Variants in ACSM6 observed in about 807,000 individuals in gnomAD.
ACSM6 encodes the protein acyl-coenzyme A synthetase ACSM6, mitochondrial.
A neutral mutation model predicts 51.1 loss-of-function variants in ACSM6; 35 were observed. The ratio of observed to expected loss-of-function variants is 0.69; its 90% confidence interval spans 0.52 to 0.91. ACSM6 has a LOEUF of 0.91. Among genes scored for constraint, ACSM6 ranks in the 40% least tolerant of loss-of-function variants. ACSM6 has a pLI of 0.00. For missense variants in ACSM6, 509 were observed against 584.1 expected, an observed-to-expected ratio of 0.87 and a Z score of 1.32; for synonymous variants, 172 against 207.3, an observed-to-expected ratio of 0.83 and a Z score of 1.46.
chr10:95,217,379 G>A (rs897612435), intron 8 of ACSM6, among the ~76,000 whole-genome samples: 1 of 151,524 alleles, frequency 6.6e-6, no homozygotes, highest in African/African-American at 2.4e-5. Flanking sequence ...AAGAAAATAG[G>A]GAAGTGTTGC....
intron 9 of ACSM6, among the ~76,000 whole-genome samples, chr10:95,220,870 G>T (rs546567352): frequency 1.4e-5 from 2 of 148,094 alleles, no homozygotes; most frequent in East Asian, 1.9e-4. Flanking sequence ...TATTAAAAAG[G>T]TAAAATAGTT....
At chr10:95,212,786 G>A (rs1264265555) in intron 6 of ACSM6, 72 bp from the exon 7 acceptor site, 4 of 1,224,728 alleles carry the variant, frequency 3.3e-6, no homozygotes, top group East Asian at 4.7e-5. Context: ...TTCCCGCCTG[G>A]ACCCCTGCCA....
exon 5 of ACSM6, chr10:95,210,758 G>A: frequency 1.2e-6 from 2 of 1,613,974 alleles, no homozygotes; most frequent in Non-Finnish European, 1.7e-6. Context: ...AGTATTCCCA[G>A]TATGGTTTGG....
At chr10:95,200,135 G>A (rs2034776870) in intron 2 of ACSM6, among the ~76,000 whole-genome samples, 1 of 152,086 alleles carries the variant, frequency 6.6e-6, no homozygotes, top group African/African-American at 2.4e-5. Flanking sequence ...TAGAAAATGT[G>A]GCACATAGAC....
chr10:95,214,952 G>T lies in ACSM6; in HGVS notation c.1096G>T (p.Glu366Ter), dbSNP rs868005623. 6 of 1,551,476 alleles carry T rather than the reference G, an allele frequency of 3.9e-6. No homozygotes were observed. The highest frequency in any genetic ancestry group is 5.2e-6 in the Non-Finnish European group (6 of 1,146,914). The stretch of plus-strand genomic sequence containing the variant: ...ACGCATCACTAAGTTGGACATCTAT[G>T]AAGGCTATGGGCAGACGGAAACTGT... Residue 366 changes from glutamate to a stop codon, truncating the protein, a stop_gained, in exon 8 of 11, where the codon GAA (glutamate) becomes TAA (stop). Coordinates refer to ENST00000341686, the Ensembl canonical transcript of ACSM6. LOFTEE classifies it high-confidence loss of function.
chr10:95,228,928 C>G, exon 11 of ACSM6: 8 of 849,282 alleles, frequency 9.4e-6, no homozygotes, highest in African/African-American at 1.7e-5. Flanking sequence ...TCCATAATCT[C>G]ATATTGTGGA....
chr10:95,213,036 C>G, intron 7 of ACSM6, 96 bp downstream of exon 7: 1 of 999,920 alleles, frequency 1.0e-6, no homozygotes, highest in Non-Finnish European at 1.5e-6. Flanking sequence ...TCCAATCTTA[C>G]CCTCCGGTAA....
rs759192530 is a variant in ACSM6, at chr10:95,210,805, G to C, written c.755+12G>C. ...AGCCAGGCTTCCAGGTACGGTTCTC[G>C]CACAGCCTGTACAGGCCTGAAAGTT... On this transcript the variant is annotated intron_variant, in intron 5 of 10. Coordinates refer to ENST00000341686, the Ensembl canonical transcript of ACSM6. The C allele has an allele frequency of 2.5e-6, 4 of 1,612,164 alleles. No individual in the cohort carries two copies. The highest frequency in any genetic ancestry group is 3.4e-6 in the Non-Finnish European group (4 of 1,178,922).
chr10:95,195,559 C>A (rs2034716236), intron 2 of ACSM6, among the ~76,000 whole-genome samples: 1 of 152,184 alleles, frequency 6.6e-6, no homozygotes, highest in South Asian at 2.1e-4. Flanking sequence ...GTCATTTTAA[C>A]TCTCTGAGCC....
At chr10:95,200,504 AGAAGAAGAG>A (rs1188307096) in intron 2 of ACSM6, among the ~76,000 whole-genome samples, 2 of 151,926 alleles carry the variant, frequency 1.3e-5, no homozygotes, top group Non-Finnish European at 2.9e-5. Context: ...GAAGAAAAGA[AGAAGAAGAG>A]GAAGAGGAAG....
chr10:95,226,653 A>G (rs1022748126), intron 10 of ACSM6, among the ~76,000 whole-genome samples: 2 of 152,202 alleles, frequency 1.3e-5, no homozygotes, highest in African/African-American at 4.8e-5. Flanking sequence ...ATTAGGTGGC[A>G]TTATTCCATA....
Position 95,208,933 on chromosome 10 carries a change from T to TAAAAAAAAAAAAAAAAAAAAA in ACSM6, c.611+1525_611+1545dup, listed in dbSNP as rs34370150. ...CAGTATTTCAGTGTCCAGGGATGTT[T>TAAAAAAAAAAAAAAAAAAAAA]AAAAAAAAAAAAAAAAAAAAAAAAA... On this transcript the variant is annotated intron_variant, in intron 4 of 10. Coordinates refer to ENST00000341686, the Ensembl canonical transcript of ACSM6. Among the ~76,000 whole-genome samples, 9 of 33,924 alleles carry TAAAAAAAAAAAAAAAAAAAAA rather than the reference T, an allele frequency of 2.7e-4. 1 individual carries two copies. The highest frequency in any genetic ancestry group is 4.4e-4 in the Non-Finnish European group (8 of 18,346). 22.3% of individuals were successfully genotyped at this position (33,924 alleles called of 152,430 possible).
chr10:95,224,558 G>A (rs1014836406), intron 9 of ACSM6, among the ~76,000 whole-genome samples: 35 of 152,224 alleles, frequency 2.3e-4, no homozygotes, highest in African/African-American at 7.9e-4. Context: ...GCGCCACCAC[G>A]CCCAGCTAAT....
intron 9 of ACSM6, 86 bp from the exon 10 acceptor site, chr10:95,225,204 A>G (rs2035026606): frequency 3.0e-6 from 3 of 997,658 alleles, no homozygotes; most frequent in African/African-American, 3.2e-5. Context: ...TGGGGGTAGA[A>G]AGGCTTAAGT....
At chr10:95,228,485 C>CT (rs2035063204) in intron 10 of ACSM6, 159 bp from the exon 11 acceptor site, 2 of 630,464 alleles carry the variant, frequency 3.2e-6, no homozygotes, top group Admixed American at 3.9e-5. Context: ...GAAAGTTCTC[C>CT]GTGTTTGTTG....
At chr10:95,216,109 T>G (rs987687333) in intron 8 of ACSM6, among the ~76,000 whole-genome samples, 3 of 152,112 alleles carry the variant, frequency 2.0e-5, no homozygotes, top group Middle Eastern at 3.2e-3. Flanking sequence ...TTTATTTTAT[T>G]TTTTAGCACA....
chr10:95,204,119 G>A (rs759475554), intron 3 of ACSM6, among the ~76,000 whole-genome samples: 30 of 152,238 alleles, frequency 2.0e-4, no homozygotes, highest in Non-Finnish European at 2.8e-4. Context: ...GCCAAGTTAC[G>A]CAGAGTGATT....
intron 8 of ACSM6, among the ~76,000 whole-genome samples, chr10:95,219,552 T>G (rs1214054657): frequency 1.3e-5 from 2 of 152,244 alleles, no homozygotes; most frequent in Non-Finnish European, 2.9e-5. Context: ...AAGACTTTTG[T>G]GTATCTTTTA....
At chr10:95,214,920 A>G (rs1366850740) in exon 8 of ACSM6, 1 of 1,551,490 alleles carries the variant, frequency 6.4e-7, no homozygotes, top group African/African-American at 1.4e-5. Context: ...GTGATTGAGG[A>G]CTGGAAACGC....
Sources: gnomAD v4.1 joint callset for allele counts (sites outside exome capture counted in the v4.1 genomes callset) on GRCh38, gnomAD v4.1.1 for gene constraint, MANE v1.5 for transcripts, NCBI Gene and HGNC (gene_info 2026-07-23, HGNC 2026-07-21) for gene names.